Variants in GPC6 observed in about 807,000 individuals in gnomAD.
GPC6 encodes glypican-6.
GPC6 carries 14 observed loss-of-function variants against 55.2 expected under a neutral mutation model. The observed-to-expected ratio is 0.25, with a 90% CI of 0.17 to 0.40. The LOEUF is 0.40. Among genes scored for constraint, GPC6 ranks in the 10% least tolerant of loss-of-function variants. The pLI is 1.00. For missense variants in GPC6, 641 were observed against 708.5 expected (o/e 0.90, Z 1.08); for synonymous variants, 278 against 259.6 (o/e 1.07, Z -0.68).
intron 2 of GPC6, among the ~76,000 whole-genome samples, chr13:93,630,198 G>C (rs970455596): frequency 6.6e-6 from 1 of 152,144 alleles, no homozygotes; most frequent in Admixed American, 6.5e-5. Flanking sequence ...AAGAGACTTA[G>C]TATTAGGCAT....
intron 4 of GPC6, among the ~76,000 whole-genome samples, chr13:94,062,465 G>C (rs1240621154): frequency 6.6e-6 from 1 of 151,892 alleles, no homozygotes; most frequent in Non-Finnish European, 1.5e-5. Context: ...TAGCCAAGCT[G>C]GTCTCGAACT....
At position 93,805,929 on chromosome 13, in the gene GPC6, C is replaced by T. The variant is rs184329740; in HGVS notation, c.320-24225C>T. Among the ~76,000 whole-genome samples, 329 of 152,244 alleles carry T rather than the reference C, an allele frequency of 2.2e-3. 4 individuals are homozygous for T. The highest frequency in any genetic ancestry group is 7.2e-3 in the African/African-American group (301 of 41,528). On this transcript the variant is annotated intron_variant, in intron 2 of 8. Coordinates refer to ENST00000377047, the MANE Select transcript of GPC6 (RefSeq NM_005708.5). ...TGAGGCTATAAGTCCTCATTTAGCC[C>T]TTCTTAGTCCTGTGGATTCTGGCTG...
At chr13:93,789,503 CTCTCTCTA>C (rs1357827035) in intron 2 of GPC6, among the ~76,000 whole-genome samples, 7 of 78,560 alleles carry the variant, frequency 8.9e-5, no homozygotes, top group South Asian at 4.3e-4. Context: ...CTCTCTCTCT[CTCTCTCTA>C]TATATATATA....
intron 3 of GPC6, among the ~76,000 whole-genome samples, chr13:93,874,839 T>C (rs887999284): frequency 8.0e-4 from 122 of 152,016 alleles, no homozygotes; most frequent in African/African-American, 2.7e-3. Context: ...CTTATCCTAG[T>C]TACATCTCCT....
At chr13:93,350,756 G>A (rs1880603836) in intron 1 of GPC6, among the ~76,000 whole-genome samples, 1 of 152,146 alleles carries the variant, frequency 6.6e-6, no homozygotes, top group Non-Finnish European at 1.5e-5. Flanking sequence ...AACCTTAAGA[G>A]AAAAGCTAGA....
At chr13:93,751,575 G>A (rs903314628) in intron 2 of GPC6, among the ~76,000 whole-genome samples, 9 of 152,026 alleles carry the variant, frequency 5.9e-5, no homozygotes, top group African/African-American at 1.7e-4. Context: ...AGGCTGAAGT[G>A]CAGTGGTGCA....
chr13:93,278,406 G>A (rs1398398077), intron 1 of GPC6, among the ~76,000 whole-genome samples: 2 of 152,064 alleles, frequency 1.3e-5, no homozygotes, highest in South Asian at 2.1e-4. Flanking sequence ...GAAACTCTAC[G>A]CCCATTAAAC....
chr13:93,600,651 T>C (rs538524335), intron 2 of GPC6, among the ~76,000 whole-genome samples: 1 of 152,236 alleles, frequency 6.6e-6, no homozygotes, highest in African/African-American at 2.4e-5. Context: ...GTAACCTTCC[T>C]TTTTTTATTC....
In GPC6 at chr13:94,385,916, T is replaced by TA. The variant is rs552326299; in HGVS notation, c.1289+3373dup. ...TTTTTAATTGTTTAGGAATGGTTGTTAAAAAAAGAAAAGAAAAAGAAAGAA... is the reference window on the plus strand; with the variant it reads ...TTTTTAATTGTTTAGGAATGGTTGTTAAAAAAAAGAAAAGAAAAAGAAAGAA... On this transcript the variant is annotated intron_variant, in intron 7 of 8. Transcript: ENST00000377047. 4.6e-5 allele frequency among the ~76,000 whole-genome samples: 7 copies of TA among 152,208 alleles called. No individual in the cohort carries two copies. In the East Asian group the frequency reaches 1.2e-3, roughly 25 times the overall value.
At chr13:93,913,053 T>C (rs996387288) in intron 3 of GPC6, among the ~76,000 whole-genome samples, 2 of 152,204 alleles carry the variant, frequency 1.3e-5, no homozygotes, top group African/African-American at 4.8e-5. Context: ...CATTCTGAGA[T>C]CCTTAATTTA....
intron 1 of GPC6, among the ~76,000 whole-genome samples, chr13:93,492,918 G>A (rs973297135): frequency 4.3e-5 from 6 of 138,320 alleles, no homozygotes; most frequent in Admixed American, 3.0e-4. Context: ...GCTGGATTCG[G>A]TTTGCCAGTA....
chr13:93,331,412 T>C (rs1344713928), intron 1 of GPC6, among the ~76,000 whole-genome samples: 2 of 152,178 alleles, frequency 1.3e-5, no homozygotes, highest in African/African-American at 4.8e-5. Flanking sequence ...CCTTTGGCTC[T>C]CTTTCTTAAG....
At chr13:93,337,850 G>A (rs1305667459) in intron 1 of GPC6, among the ~76,000 whole-genome samples, 4 of 152,174 alleles carry the variant, frequency 2.6e-5, no homozygotes, top group Admixed American at 6.5e-5. Flanking sequence ...GGAGCAGGAA[G>A]AGTGGAAGTT....
intron 4 of GPC6, among the ~76,000 whole-genome samples, chr13:94,099,314 A>G (rs1299529685): frequency 1.3e-5 from 2 of 152,168 alleles, no homozygotes; most frequent in Non-Finnish European, 2.9e-5. Flanking sequence ...ATAAAGAGAT[A>G]TAATGTTGTG....
At chr13:93,415,060 A>G (rs953997326) in intron 1 of GPC6, among the ~76,000 whole-genome samples, 1 of 152,166 alleles carries the variant, frequency 6.6e-6, no homozygotes, top group African/African-American at 2.4e-5. Context: ...GAATTTGGAG[A>G]CAATCTGGTA....
intron 4 of GPC6, among the ~76,000 whole-genome samples, chr13:94,276,962 G>A (rs538270236): frequency 1.6e-4 from 24 of 152,074 alleles, no homozygotes; most frequent in African/African-American, 2.2e-4. Flanking sequence ...CAGTAATTGC[G>A]TTTCTAAGTA....
At chr13:93,475,342 G>T (rs559650979) in intron 1 of GPC6, among the ~76,000 whole-genome samples, 16 of 152,236 alleles carry the variant, frequency 1.1e-4, no homozygotes, top group African/African-American at 3.9e-4. Context: ...TACTTAAAAT[G>T]ATTTTATTTT....
At chr13:94,376,661 G>C (rs1398678147) in intron 6 of GPC6, among the ~76,000 whole-genome samples, 1 of 152,026 alleles carries the variant, frequency 6.6e-6, no homozygotes. Flanking sequence ...TCCCCATCAA[G>C]CTACCAATGA....
chr13:94,039,973 G>A (rs1883474128), intron 4 of GPC6, among the ~76,000 whole-genome samples: 2 of 151,708 alleles, frequency 1.3e-5, no homozygotes, highest in Admixed American at 6.6e-5. Context: ...ATGATTTAAC[G>A]GCCATGCCTC....
Sources: allele counts gnomAD v4.1 joint callset (sites outside exome capture counted in the v4.1 genomes callset), GRCh38; gene constraint gnomAD v4.1.1; transcripts MANE v1.5; gene names NCBI Gene and HGNC (gene_info 2026-07-23, HGNC 2026-07-21).